Variants in CEBPZOS observed in about 807,000 individuals in gnomAD.
CEBPZOS encodes the protein protein CEBPZOS.
Under a neutral mutation model 4.8 loss-of-function variants are expected in CEBPZOS, and 10 were observed. That is an observed-to-expected ratio of 2.07 (90% CI 1.28 to 3.52). CEBPZOS has a LOEUF of 3.52. Ranked by LOEUF, CEBPZOS falls within the 30% of genes most tolerant of loss-of-function variation. The pLI, the probability that CEBPZOS is intolerant of heterozygous loss-of-function variation, is 0.00. For synonymous variants in CEBPZOS, 25 were observed against 14.2 expected, an observed-to-expected ratio of 1.77 and a Z score of -1.72; for missense variants, 98 against 43.6, an observed-to-expected ratio of 2.25 and a Z score of -3.51.
intron 2 of CEBPZOS, among the ~76,000 whole-genome samples, chr2:37,200,818 G>A (rs1185683725): frequency 6.6e-6 from 1 of 152,160 alleles, no homozygotes; most frequent in African/African-American, 2.4e-5. Context: ...TCTAGGCAGT[G>A]GTGGATTGTG....
chr2:37,206,147 G>T (rs879557527), downstream of CEBPZOS, among the ~76,000 whole-genome samples: 2 of 152,214 alleles, frequency 1.3e-5, no homozygotes, highest in Admixed American at 1.3e-4. Flanking sequence ...TTGATCTGCT[G>T]TGCTGAGGAG....
At chr2:37,197,603 G>A (rs986401084) in intron 1 of CEBPZOS, among the ~76,000 whole-genome samples, 1 of 152,176 alleles carries the variant, frequency 6.6e-6, no homozygotes, top group Admixed American at 6.5e-5. Flanking sequence ...CGGGCGTGGC[G>A]GCACACGCCT....
At chr2:37,200,961 A>G in intron 2 of CEBPZOS, 87 bp from the exon 3 acceptor site, 1 of 684,754 alleles carries the variant, frequency 1.5e-6, no homozygotes, top group Non-Finnish European at 2.7e-6. Flanking sequence ...CATCATATGG[A>G]CCCTAAAGCT....
intron 4 of CEBPZOS, chr2:37,209,943 C>A (rs1443936974): frequency 6.6e-6 from 1 of 152,004 alleles, no homozygotes; most frequent in Non-Finnish European, 1.5e-5. Flanking sequence ...AAGAAAAAAA[C>A]AATCCCATCA....
downstream of CEBPZOS, chr2:37,214,102 G>GT (rs1173439635): frequency 2.1e-6 from 1 of 477,710 alleles, no homozygotes. Context: ...ACTGAAATTT[G>GT]TATCTAATAT....
rs1306127323 is a variant in CEBPZOS at position 37,202,655 on chromosome 2, A to G, written c.*795A>G. On this transcript the variant is annotated 3_prime_UTR_variant, in exon 5 of 5. Transcript: ENST00000402297. The stretch of plus-strand genomic sequence containing the variant: ...GTGAGACGCTGTCTCAAAAAAAAAA[A>G]AAAAAAAAAAAAAAAAAAAAAAAAA... 519 of 39,956 alleles carry G rather than the reference A, an allele frequency of 0.013. 76 individuals are homozygous for G. The highest frequency in any genetic ancestry group is 0.11 in the African/African-American group (459 of 4,114). 2.5% of individuals were successfully genotyped at this position (39,956 alleles called of 1,614,324 possible). A position where few individuals can be genotyped will look rare whatever the true frequency, so the allele number is the denominator to read the frequency against.
chr2:37,199,594 A>T (rs959705492), intron 1 of CEBPZOS, 110 bp from the exon 2 acceptor site: 1 of 638,532 alleles, frequency 1.6e-6, no homozygotes, highest in Non-Finnish European at 2.9e-6. Context: ...TCTTACTCCC[A>T]TACAGAGAAG....
downstream of CEBPZOS, among the ~76,000 whole-genome samples, chr2:37,207,501 C>T (rs1050028230): frequency 6.6e-6 from 1 of 152,080 alleles, no homozygotes; most frequent in Non-Finnish European, 1.5e-5. Flanking sequence ...CCAAAAGGAA[C>T]CCTCAAAACT....
chr2:37,211,595 A>G, intron 4 of CEBPZOS: 1 of 437,744 alleles, frequency 2.3e-6, no homozygotes, highest in East Asian at 3.7e-5. Context: ...TGTATTGTAC[A>G]GAGAAGCTAG....
At chr2:37,201,783 GTTTTTTGAGTGGTTTTAATCCTCTTCTT>G in intron 4 of CEBPZOS, 52 bp from the exon 5 acceptor site, 1 of 1,487,746 alleles carries the variant, frequency 6.7e-7, no homozygotes, top group Non-Finnish European at 9.4e-7. Flanking sequence ...TTGTTTTTTA[GTTTTTTGAGTGGTTTTAATCCTCTTCTT>G]TTTAAAATGT....
chr2:37,213,743 T>A (rs1327302054), downstream of CEBPZOS: 3 of 653,976 alleles, frequency 4.6e-6, no homozygotes, highest in African/African-American at 5.8e-5. Context: ...CCACTGTGAT[T>A]TGCATGATAT....
intron 4 of CEBPZOS, chr2:37,209,891 G>A (rs1250816099): frequency 6.6e-6 from 1 of 151,990 alleles, no homozygotes; most frequent in Non-Finnish European, 1.5e-5. Context: ...ATCTGAGAAA[G>A]GACTAATGTC....
chr2:37,209,846 C>G (rs1288841918), intron 4 of CEBPZOS: 3 of 138,882 alleles, frequency 2.2e-5, no homozygotes, highest in African/African-American at 4.9e-5. Flanking sequence ...AAATAGACAA[C>G]CCATAGAGTG....
Position 37,211,496 on chromosome 2 carries a change from CCTT to C in CEBPZOS, c.*3-1939_*3-1937del, listed in dbSNP as rs370339287. On this transcript the variant is annotated intron_variant, in intron 4 of 4. Transcript: ENST00000397064. ...GCTAATTTACAAGATAAAATATTCA[CCTT>C]CATCTATGCTGGGCTATGATGAATA... The C allele has an allele frequency of 2.8e-3, 685 of 240,820 alleles. 4 individuals are homozygous for C. Among genetic ancestry groups the C allele is most frequent in the African/African-American group, 0.014 (645 of 44,806 alleles). 14.9% of individuals were successfully genotyped at this position (240,820 alleles called of 1,614,324 possible).
At chr2:37,215,743 G>A (rs1677851698), downstream of CEBPZOS, among the ~76,000 whole-genome samples, 1 of 152,126 alleles carries the variant, frequency 6.6e-6, no homozygotes. Context: ...AAAACCAGCT[G>A]TGGGTTTTTG....
chr2:37,214,840 T>A, downstream of CEBPZOS: 1 of 1,233,724 alleles, frequency 8.1e-7, no homozygotes, highest in Non-Finnish European at 1.2e-6. Flanking sequence ...TCTAAAAATT[T>A]AAATTTTAGC....
At chr2:37,212,246 T>C in intron 4 of CEBPZOS, 1 of 1,200,952 alleles carries the variant, frequency 8.3e-7, no homozygotes, top group Non-Finnish European at 1.2e-6. Flanking sequence ...ATTTCCCCTT[T>C]ATCATATAGT....
intron 1 of CEBPZOS, among the ~76,000 whole-genome samples, chr2:37,199,501 T>C (rs951214949): frequency 7.2e-5 from 11 of 152,224 alleles, no homozygotes; most frequent in African/African-American, 2.7e-4. Context: ...ATTTTGTCTT[T>C]GGTTCATCAT....
chr2:37,205,890 G>T (rs780810389), downstream of CEBPZOS, among the ~76,000 whole-genome samples: 14 of 152,224 alleles, frequency 9.2e-5, no homozygotes, highest in Admixed American at 9.2e-4. Context: ...AGAAAGAAGA[G>T]TTCGTATCAT....
Sources: allele counts gnomAD v4.1 joint callset (sites outside exome capture counted in the v4.1 genomes callset), GRCh38; gene constraint gnomAD v4.1.1; transcripts MANE v1.5; gene names NCBI Gene and HGNC (gene_info 2026-07-23, HGNC 2026-07-21).